The following PLEKHG2 variants were observed in gnomAD, a reference collection of about 807,000 sequenced individuals.
The protein encoded by PLEKHG2 is pleckstrin homology and RhoGEF domain containing G2.
Under a neutral mutation model 104.4 loss-of-function variants are expected in PLEKHG2, and 71 were observed. That is an observed-to-expected ratio of 0.68 (90% CI 0.56 to 0.83). The LOEUF is 0.83. Among genes scored for constraint, PLEKHG2 ranks in the 40% least tolerant of loss-of-function variants. The pLI, the probability that PLEKHG2 is intolerant of heterozygous loss-of-function variation, is 0.00. For synonymous variants in PLEKHG2, 728 were observed against 737.0 expected, an observed-to-expected ratio of 0.99 and a Z score of 0.20; for missense variants, 1,730 against 1,809.4, an observed-to-expected ratio of 0.96 and a Z score of 0.80.
rs1210002539 is a variant in PLEKHG2, at chr19:39,420,746, C to A, written c.1298-5C>A. On this transcript the variant is annotated splice_polypyrimidine_tract_variant and splice_region_variant and intron_variant, in intron 12 of 18. Transcript: ENST00000425673. ...TGGCTTTTAGCCCCAAAACTCTCCC[C>A]ACAGGTGCCCCCAAAAGTAAGCCTG... is the stretch of plus-strand genomic sequence containing the variant. 47 of 1,614,160 alleles carry A rather than the reference C, an allele frequency of 2.9e-5. No individual in the cohort carries two copies. Among genetic ancestry groups the A allele is most frequent in the Non-Finnish European group, 4.0e-5 (47 of 1,180,028 alleles).
chr19:39,425,106 C>T lies in PLEKHG2; in HGVS notation c.3973C>T (p.Pro1325Ser). Residue 1325 changes from proline (P) to serine (S), a missense_variant, in exon 19 of 19, where the codon CCA (proline) becomes TCA (serine). Physicochemically the swap from Pro to Ser is moderately conservative, Grantham distance 74 (BLOSUM62 -1). Coordinates refer to ENST00000425673, the MANE Select transcript of PLEKHG2 (RefSeq NM_022835.3). ...RASSPPPQPQ[P>S]PPPPARRLSY... ...ATCTTCGCCGCCCCCCCAGCCCCAG[C>T]CACCACCTCCCCCAGCCAGGCGGCT... 6.3e-7 allele frequency: 1 copy of T among 1,587,672 alleles called. No homozygotes were observed. The highest frequency in any genetic ancestry group is 1.8e-5 in the Admixed American group (1 of 56,278).
intron 11 of PLEKHG2, 93 bp downstream of exon 11, chr19:39,419,096 G>GTC: frequency 8.4e-7 from 1 of 1,195,032 alleles, no homozygotes. Flanking sequence ...TGCCAGAGCA[G>GTC]TCTGTTATAA....
rs145530560 is a variant in PLEKHG2 at position 39,423,552 on chromosome 19, G to T, written c.2498G>T (p.Arg833Leu). 6.5e-7 allele frequency: 1 copy of T among 1,543,724 alleles called. No homozygotes were observed. Residue 833 changes from arginine (R) to leucine (L), a missense_variant, in exon 18 of 19, where the codon CGG (arginine) becomes CTG (leucine). Arg to Leu is a moderately radical substitution (Grantham distance 102, BLOSUM62 -2). Transcript: ENST00000425673. ...AGCGAGCGGATCCAGCAGATGCAGC[G>T]GGCGGAGACTCGGGCATCAGCCAAT... Reference protein sequence around the residue: ...LYSERIQQMQRAETRASANAP... With the variant: ...LYSERIQQMQLAETRASANAP...
chr19:39,424,406 C>G lies in PLEKHG2; in HGVS notation c.3273C>G (p.Gly1091=), dbSNP rs1258838266. The G allele has an allele frequency of 1.2e-6, 2 of 1,614,108 alleles. No homozygotes were observed. Among genetic ancestry groups the G allele is most frequent in the Non-Finnish European group, 1.7e-6 (2 of 1,180,010 alleles). ...GCAGCCTGGATCCCCAGGGCCCAGG[C>G]GACACCCTACCACCCTTGCCATGTC... ...HGSSLDPQGP[G]DTLPPLPCHL... The change falls in exon 19 of 19, where the codon GGC becomes GGG. Residue 1091 remains glycine (G), a synonymous_variant. Coordinates refer to ENST00000425673, the MANE Select transcript of PLEKHG2 (RefSeq NM_022835.3).
In PLEKHG2 at chr19:39,424,051, C is replaced by G. The variant is rs762775095; in HGVS notation, c.2918C>G (p.Ser973Cys). 4 of 1,614,030 alleles carry G rather than the reference C, an allele frequency of 2.5e-6. No individual in the cohort carries two copies. Among genetic ancestry groups the G allele is most frequent in the Admixed American group, 1.7e-5 (1 of 59,998 alleles). The part of the protein sequence containing the change: ...HLQVPALTTF[S>C]DQGHPEIQVP... ...CAGGTGCCGGCTCTTACAACTTTCT[C>G]TGATCAAGGCCACCCAGAAATCCAA... Residue 973 changes from serine to cysteine, a missense_variant, in exon 19 of 19, where the codon TCT (serine) becomes TGT (cysteine). Coordinates refer to ENST00000425673, the MANE Select transcript of PLEKHG2 (RefSeq NM_022835.3).
rs2146001524 is a variant in PLEKHG2, at chr19:39,420,552, T to G, written c.1264-74T>G. On this transcript the variant is annotated intron_variant, in intron 11 of 18. Transcript: ENST00000425673. ...AACAGCACCCATTAATGGGCATGAC[T>G]ACGGTGCTTAAAGTATCCTCTCTGT... The G allele has an allele frequency of 5.0e-6, 8 of 1,597,006 alleles. No individual in the cohort carries two copies. In the East Asian group the frequency reaches 1.6e-4, roughly 31 times the overall value.
Position 39,423,850 on chromosome 19 carries a change from C to CA in PLEKHG2, c.2720dup (p.Gln908AlafsTer17), listed in dbSNP as rs1314025778. 1.2e-6 allele frequency: 2 copies of CA among 1,614,198 alleles called. No individual in the cohort carries two copies. The highest frequency in any genetic ancestry group is 1.7e-6 in the Non-Finnish European group (2 of 1,180,042). On this transcript the variant is annotated frameshift_variant, in exon 19 of 19. Coordinates refer to ENST00000425673, the MANE Select transcript of PLEKHG2 (RefSeq NM_022835.3). LOFTEE classifies it low-confidence loss of function (END_TRUNC). ...TGGGTTCAAGCTGCCATACCTTTGT[C>CA]AAAGCAGGGAGGCAGCCCGGATGGC... is the stretch of plus-strand genomic sequence containing the variant.
chr19:39,418,728 T>G lies in PLEKHG2; in HGVS notation c.1084-6T>G, dbSNP rs2078649565. On this transcript the variant is annotated splice_region_variant and splice_polypyrimidine_tract_variant and intron_variant, in intron 9 of 18. Transcript: ENST00000425673. ...CTGAGCTTGCTACCCCTCTCTTTCC[T>G]TCCAGTGCTGCAACCTGAGCGTGAG... 1.2e-6 allele frequency: 2 copies of G among 1,610,464 alleles called. No homozygotes were observed. Among genetic ancestry groups the G allele is most frequent in the African/African-American group, 2.7e-5 (2 of 74,922 alleles).
In PLEKHG2 at chr19:39,423,121, C is replaced by T; in HGVS notation, c.2067C>T (p.Leu689=). 1 of 1,614,138 alleles carries T rather than the reference C, an allele frequency of 6.2e-7. No homozygotes were observed. The highest frequency in any genetic ancestry group is 1.1e-5 in the South Asian group (1 of 91,080). ...NTPSLSSTPT[L]SCDSWLQGPL... is the part of the protein sequence containing the mutation. ...CCAGTCTGTCTAGCACTCCCACCCT[C>T]TCCTGTGACTCCTGGCTCCAAGGGC... Residue 689 remains leucine, a synonymous_variant, in exon 18 of 19, where the codon CTC becomes CTT. Coordinates refer to ENST00000425673, the MANE Select transcript of PLEKHG2 (RefSeq NM_022835.3).
rs976623360 is a variant in PLEKHG2, at chr19:39,417,861, A to G, written c.883-44A>G. On this transcript the variant is annotated intron_variant, in intron 8 of 18. Transcript: ENST00000425673. ...GTGTGTATGTGTGTGCCACCTACCC[A>G]TGCTTGTCTCTGCGCCCCGGCGCAC... 6 of 1,515,716 alleles carry G rather than the reference A, an allele frequency of 4.0e-6. No homozygotes were observed. In the African/African-American group the frequency reaches 8.3e-5, roughly 21 times the overall value. 93.9% of individuals were successfully genotyped at this position (1,515,716 alleles called of 1,614,324 possible).
At chr19:39,417,298 G>A (rs931016099) in intron 7 of PLEKHG2, among the ~76,000 whole-genome samples, 8 of 151,964 alleles carry the variant, frequency 5.3e-5, no homozygotes, top group Non-Finnish European at 7.4e-5. Context: ...GATTACAGGC[G>A]CACACCACCA....
rs777985814 is a variant in PLEKHG2 at position 39,419,010 on chromosome 19, C to T, written c.1263+7C>T. 18 of 1,605,904 alleles carry T rather than the reference C, an allele frequency of 1.1e-5. No homozygotes were observed. The highest frequency in any genetic ancestry group is 1.7e-5 in the Admixed American group (1 of 58,850). ...TGCCTCCATCCCTGCCAAGGTACAG[C>T]TCCTGCCGCAGCCGGGGGCCCTCTG... On this transcript the variant is annotated splice_region_variant and intron_variant, in intron 11 of 18. Coordinates refer to ENST00000425673, the MANE Select transcript of PLEKHG2 (RefSeq NM_022835.3).
chr19:39,421,355 A>C lies in PLEKHG2; in HGVS notation c.1503+56A>C, dbSNP rs562415440. On this transcript the variant is annotated intron_variant, in intron 16 of 18. Coordinates refer to ENST00000425673, the MANE Select transcript of PLEKHG2 (RefSeq NM_022835.3). Reference sequence around the variant, plus strand: ...ACCTTGACTTCTGGGTCTGATGGAGAAGGGAGCTTGAGTTCCAAAATCCTG... The same window carrying C: ...ACCTTGACTTCTGGGTCTGATGGAGCAGGGAGCTTGAGTTCCAAAATCCTG... 1.4e-5 allele frequency: 22 copies of C among 1,578,272 alleles called. No individual in the cohort carries two copies. The African/African-American group carries it at 2.7e-4, about 19-fold the overall frequency.
Position 39,423,545 on chromosome 19 carries a change from A to G in PLEKHG2, c.2491A>G (p.Met831Val). The G allele has an allele frequency of 6.5e-7, 1 of 1,550,020 alleles. No individual in the cohort carries two copies. Among genetic ancestry groups the G allele is most frequent in the Non-Finnish European group, 8.7e-7 (1 of 1,147,076 alleles). Residue 831 changes from methionine (M) to valine (V), a missense_variant, in exon 18 of 19, where the codon ATG (methionine) becomes GTG (valine). Transcript: ENST00000425673. ...ARLYSERIQQ[M>V]QRAETRASAN... ...GCTTTACAGCGAGCGGATCCAGCAG[A>G]TGCAGCGGGCGGAGACTCGGGCATC...
Position 39,424,275 on chromosome 19 carries a change from G to A in PLEKHG2, c.3142G>A (p.Glu1048Lys), listed in dbSNP as rs759064788. The change falls in exon 19 of 19, where the codon GAG (glutamate) becomes AAG (lysine). Residue 1048 changes from glutamate to lysine, a missense_variant. Transcript: ENST00000425673. ...CAAGCAAGAAGGTCACCTAGACAGCGAGAGCCCAACCAATATCCCACTGAC... is the reference window on the plus strand; with the variant it reads ...CAAGCAAGAAGGTCACCTAGACAGCAAGAGCCCAACCAATATCCCACTGAC... ...VPKQEGHLDS[E>K]SPTNIPLTKQ... The A allele has an allele frequency of 1.9e-5, 30 of 1,613,990 alleles. No homozygotes were observed. Among genetic ancestry groups the A allele is most frequent in the East Asian group, 4.5e-5 (2 of 44,890 alleles).
chr19:39,419,141 G>T, intron 11 of PLEKHG2, 138 bp downstream of exon 11: 3 of 775,890 alleles, frequency 3.9e-6, no homozygotes, highest in Non-Finnish European at 5.8e-6. Flanking sequence ...CCGCTACTTG[G>T]GTTTGAATCT....
Position 39,417,979 on chromosome 19 carries a change from G to A in PLEKHG2, c.957G>A (p.Ala319=), listed in dbSNP as rs113017292. The change falls in exon 9 of 19, where the codon GCG becomes GCA. Residue 319 remains alanine, a synonymous_variant. Coordinates refer to ENST00000425673, the MANE Select transcript of PLEKHG2 (RefSeq NM_022835.3). ...SAFGELVLEG[A]FRGGGGGGPR... ...TTGGGGAACTGGTGTTGGAGGGCGCGTTCCGAGGAGGCGGAGGGGGTGGCC... is the reference window on the plus strand; with the variant it reads ...TTGGGGAACTGGTGTTGGAGGGCGCATTCCGAGGAGGCGGAGGGGGTGGCC... 1.2e-4 allele frequency: 188 copies of A among 1,548,694 alleles called. 1 individual carries two copies. The African/African-American group carries it at 2.1e-3, about 18-fold the overall frequency.
At position 39,415,566 on chromosome 19, in the gene PLEKHG2, C is replaced by G; in HGVS notation, c.479+127C>G. ...TGGGGTTGTGACATTGGGCAAGGATCAGGGATCACGACTGGGAGGGAGGAC... is the reference window on the plus strand; with the variant it reads ...TGGGGTTGTGACATTGGGCAAGGATGAGGGATCACGACTGGGAGGGAGGAC... On this transcript the variant is annotated intron_variant, in intron 4 of 18. Coordinates refer to ENST00000425673, the MANE Select transcript of PLEKHG2 (RefSeq NM_022835.3). The surrounding 1 kb of genome is among the most constrained non-coding windows in gnomAD (Gnocchi z 4.6). 9.2e-7 allele frequency: 1 copy of G among 1,091,466 alleles called. No individual in the cohort carries two copies. The highest frequency in any genetic ancestry group is 1.3e-6 in the Non-Finnish European group (1 of 757,982). The allele number at this position is 1,091,466 out of a possible 1,614,324, so 67.6% of individuals were successfully genotyped here.
At position 39,423,946 on chromosome 19, in the gene PLEKHG2, T is replaced by C. The variant is rs1335050561; in HGVS notation, c.2813T>C (p.Leu938Ser). The change falls in exon 19 of 19, where the codon TTG (leucine) becomes TCG (serine). Residue 938 changes from leucine to serine, a missense_variant. Coordinates refer to ENST00000425673, the MANE Select transcript of PLEKHG2 (RefSeq NM_022835.3). ...ATCCACGTTTCAGCTGCTACCCTTTTGCCTGAGCAAGGAGGTTCCCGGCAT... is the reference window on the plus strand; with the variant it reads ...ATCCACGTTTCAGCTGCTACCCTTTCGCCTGAGCAAGGAGGTTCCCGGCAT... ...PGIHVSAATL[L>S]PEQGGSRHVQ... The C allele has an allele frequency of 6.2e-7, 1 of 1,614,206 alleles. No individual in the cohort carries two copies. Among genetic ancestry groups the C allele is most frequent in the East Asian group, 2.2e-5 (1 of 44,878 alleles).
Sources: allele counts gnomAD v4.1 joint callset (sites outside exome capture counted in the v4.1 genomes callset), GRCh38; gene constraint gnomAD v4.1.1; non-coding constraint Gnocchi (gnomAD v3.1); transcripts MANE v1.5; gene names NCBI Gene and HGNC (gene_info 2026-07-23, HGNC 2026-07-21).